Variants in CLRN1 observed in about 807,000 individuals in gnomAD.
CLRN1 encodes the protein clarin 1, also known as clarin-1.
CLRN1 carries 15 observed loss-of-function variants against 18.7 expected under a neutral mutation model. The ratio of observed to expected loss-of-function variants is 0.80; its 90% CI spans 0.54 to 1.23. The LOEUF (loss-of-function observed/expected upper bound fraction) is 1.23. Ranked by LOEUF, CLRN1 falls within the 50% of genes most tolerant of loss-of-function variation. CLRN1 has a pLI of 0.00. For synonymous variants in CLRN1, 104 were observed against 102.9 expected, an observed-to-expected ratio of 1.01 and a Z score of -0.07; for missense variants, 311 against 277.5, an observed-to-expected ratio of 1.12 and a Z score of -0.86.
intron 2 of CLRN1, among the ~76,000 whole-genome samples, chr3:150,934,237 G>T (rs894320313): frequency 6.6e-6 from 1 of 151,968 alleles, no homozygotes; most frequent in Non-Finnish European, 1.5e-5. Flanking sequence ...TATTGTCTTT[G>T]TGTATATGAA....
At chr3:150,943,795 G>A in intron 1 of CLRN1, 1 of 1,614,012 alleles carries the variant, frequency 6.2e-7, no homozygotes, top group Admixed American at 1.7e-5. Flanking sequence ...ACCCTCTGGG[G>A]CCCTGGGGTT....
intron 1 of CLRN1, among the ~76,000 whole-genome samples, chr3:150,942,341 G>A (rs1027400635): frequency 2.6e-5 from 4 of 152,142 alleles, no homozygotes; most frequent in South Asian, 2.1e-4. Context: ...TAGAAAACAC[G>A]CCAAATCTAT....
intron 1 of CLRN1, among the ~76,000 whole-genome samples, chr3:150,955,155 G>A (rs1361173992): frequency 2.0e-5 from 3 of 152,186 alleles, no homozygotes; most frequent in Non-Finnish European, 4.4e-5. Flanking sequence ...GCTGCATGCT[G>A]CATGATTCCT....
At chr3:150,963,593 G>A (rs1715130202) in intron 1 of CLRN1, among the ~76,000 whole-genome samples, 1 of 152,122 alleles carries the variant, frequency 6.6e-6, no homozygotes, top group African/African-American at 2.4e-5. Flanking sequence ...CCAAAAAAGA[G>A]CCTGAATAGT....
In CLRN1 at chr3:150,926,714, C is replaced by A; in HGVS notation, c.*1222G>T. On this transcript the variant is annotated 3_prime_UTR_variant, in exon 3 of 3. Coordinates refer to ENST00000327047, the MANE Select transcript of CLRN1 (RefSeq NM_174878.3). Reference sequence around the variant, plus strand: ...TTTTATTTTAAGGAGTACTTTCAAACCTATTATATGAGGGCTGCTGAGTAC... The same window carrying A: ...TTTTATTTTAAGGAGTACTTTCAAAACTATTATATGAGGGCTGCTGAGTAC... 2 of 1,398,792 alleles carry A rather than the reference C, an allele frequency of 1.4e-6. No individual in the cohort carries two copies. The highest frequency in any genetic ancestry group is 2.0e-6 in the Non-Finnish European group (2 of 987,750). The allele number at this position is 1,398,792 out of a possible 1,614,324, so 86.6% of individuals were successfully genotyped here.
At chr3:150,931,211 G>T (rs1182877536) in intron 2 of CLRN1, among the ~76,000 whole-genome samples, 1 of 152,198 alleles carries the variant, frequency 6.6e-6, no homozygotes, top group Non-Finnish European at 1.5e-5. Context: ...CAAAAGATAT[G>T]CATGAAGAGT....
chr3:150,951,349 A>ATT lies in CLRN1; in HGVS notation c.254-9590_254-9589dup, dbSNP rs71621419. Among the ~76,000 whole-genome samples, 26 of 151,552 alleles carry ATT rather than the reference A, an allele frequency of 1.7e-4. 1 individual carries two copies. The highest frequency in any genetic ancestry group is 1.3e-3 in the South Asian group (6 of 4,756). On this transcript the variant is annotated intron_variant, in intron 1 of 2. Transcript: ENST00000327047. The stretch of plus-strand genomic sequence containing the variant: ...ACCTGAGTCTGGGTAATATATATAT[A>ATT]TTTTTTGAGACAGGGTCTCACTCCA...
At chr3:150,928,240 C>G (rs751863365) in intron 2 of CLRN1, 39 bp from the exon 3 acceptor site, 1 of 1,612,014 alleles carries the variant, frequency 6.2e-7, no homozygotes, top group African/African-American at 1.3e-5. Context: ...CAAATATTTC[C>G]TGATTGTAAG....
intron 1 of CLRN1, among the ~76,000 whole-genome samples, chr3:150,951,347 A>ATG (rs1714471972): frequency 6.6e-6 from 1 of 151,496 alleles, no homozygotes; most frequent in South Asian, 2.1e-4. Context: ...TAATATATAT[A>ATG]TATTTTTTGA....
chr3:150,942,479 T>C, intron 1 of CLRN1: 1 of 280,372 alleles, frequency 3.6e-6, no homozygotes, highest in South Asian at 3.2e-5. Flanking sequence ...AGGACCAATC[T>C]GGGGAAGTTT....
intron 1 of CLRN1, 85 bp downstream of exon 1, chr3:150,972,371 G>T: frequency 1.3e-6 from 2 of 1,587,088 alleles, no homozygotes; most frequent in South Asian, 1.1e-5. Flanking sequence ...CAGTAAACAC[G>T]GCAAAATTCT....
At chr3:150,950,631 T>A (rs1559986993) in intron 1 of CLRN1, among the ~76,000 whole-genome samples, 1 of 152,152 alleles carries the variant, frequency 6.6e-6, no homozygotes, top group Admixed American at 6.5e-5. Context: ...GAATGGTTTT[T>A]ATTAAAAAGT....
At chr3:150,957,437 A>G (rs145175684) in intron 1 of CLRN1, among the ~76,000 whole-genome samples, 1 of 152,214 alleles carries the variant, frequency 6.6e-6, no homozygotes, top group Non-Finnish European at 1.5e-5. Flanking sequence ...TGCTTTGGAA[A>G]TGGTCTCCTG....
intron 1 of CLRN1, among the ~76,000 whole-genome samples, chr3:150,951,879 G>T (rs751642117): frequency 1.3e-5 from 2 of 152,094 alleles, no homozygotes; most frequent in African/African-American, 2.4e-5. Flanking sequence ...AGGGGGGACC[G>T]TGCTAAACCA....
intron 1 of CLRN1, among the ~76,000 whole-genome samples, chr3:150,945,327 A>AT (rs1237534197): frequency 6.6e-6 from 1 of 152,222 alleles, no homozygotes; most frequent in African/African-American, 2.4e-5. Flanking sequence ...GAGCAGACCC[A>AT]TGAGTGAGAC....
intron 2 of CLRN1, among the ~76,000 whole-genome samples, chr3:150,940,893 C>T (rs1013173544): frequency 2.0e-5 from 3 of 152,156 alleles, no homozygotes; most frequent in African/African-American, 7.2e-5. Context: ...CCCAGATACA[C>T]CTAGCATTAG....
At chr3:150,971,841 T>C (rs1715552659) in intron 1 of CLRN1, among the ~76,000 whole-genome samples, 1 of 152,252 alleles carries the variant, frequency 6.6e-6, no homozygotes, top group Non-Finnish European at 1.5e-5. Flanking sequence ...TCATATTCTC[T>C]ACATGATTTG....
chr3:150,935,532 T>G (rs1348109371), intron 2 of CLRN1, among the ~76,000 whole-genome samples: 2 of 151,312 alleles, frequency 1.3e-5, no homozygotes, highest in Non-Finnish European at 2.9e-5. Flanking sequence ...ATTTTCTTAA[T>G]CCAGTCTATC....
In CLRN1 at chr3:150,964,580, A is replaced by G. The variant is rs191569053; in HGVS notation, c.253+7876T>C. Reference sequence around the variant, plus strand: ...GTCTATACCCAAAGGATTATAAATCATTCTACTATAAAGACATATGCCCAC... The same window carrying G: ...GTCTATACCCAAAGGATTATAAATCGTTCTACTATAAAGACATATGCCCAC... On this transcript the variant is annotated intron_variant, in intron 1 of 2. Coordinates refer to ENST00000327047, the MANE Select transcript of CLRN1 (RefSeq NM_174878.3). 5.3e-3 allele frequency among the ~76,000 whole-genome samples: 815 copies of G among 152,342 alleles called. 6 individuals are homozygous for G. Among genetic ancestry groups the G allele is most frequent in the African/African-American group, 0.019 (770 of 41,568 alleles).
Sources: allele counts gnomAD v4.1 joint callset (sites outside exome capture counted in the v4.1 genomes callset), GRCh38; gene constraint gnomAD v4.1.1; transcripts MANE v1.5; gene names NCBI Gene and HGNC (gene_info 2026-07-23, HGNC 2026-07-21).